RORB: variants seen among roughly 807,000 people sequenced by gnomAD.
RORB encodes the protein RAR related orphan receptor B, also known as nuclear receptor ROR-beta.
RORB carries 6 observed loss-of-function variants against 59.1 expected under a neutral mutation model. The ratio of observed to expected loss-of-function variants is 0.10; its 90% confidence interval spans 0.06 to 0.20. The LOEUF is 0.20. Among genes scored for constraint, RORB ranks in the 10% least tolerant of loss-of-function variants. RORB has a pLI of 1.00. For synonymous variants in RORB, 215 were observed against 204.5 expected, an observed-to-expected ratio of 1.05 and a Z score of -0.44; for missense variants, 320 against 560.5, an observed-to-expected ratio of 0.57 and a Z score of 4.33.
chr9:74,589,578 C>A (rs760824672), intron 1 of RORB, among the ~76,000 whole-genome samples: 1 of 152,138 alleles, frequency 6.6e-6, no homozygotes, highest in Non-Finnish European at 1.5e-5. Flanking sequence ...TGTACAGATG[C>A]GGCTAGTAAA....
intron 1 of RORB, among the ~76,000 whole-genome samples, chr9:74,514,096 C>T (rs1825977914): frequency 6.6e-6 from 1 of 152,118 alleles, no homozygotes; most frequent in Non-Finnish European, 1.5e-5. Context: ...TCTTCGTTAA[C>T]TTTTCTTAGA....
intron 1 of RORB, among the ~76,000 whole-genome samples, chr9:74,589,222 A>T (rs1449855480): frequency 6.6e-6 from 1 of 152,210 alleles, no homozygotes; most frequent in African/African-American, 2.4e-5. Flanking sequence ...GAAAGACAGA[A>T]AGTGGAATTA....
intron 1 of RORB, among the ~76,000 whole-genome samples, chr9:74,534,761 T>G (rs1230457085): frequency 6.6e-6 from 1 of 152,026 alleles, no homozygotes; most frequent in Non-Finnish European, 1.5e-5. Flanking sequence ...AAGGGAATAT[T>G]TTGACATAAT....
chr9:74,668,136 C>T (rs976956186), intron 8 of RORB, among the ~76,000 whole-genome samples: 2 of 152,168 alleles, frequency 1.3e-5, no homozygotes, highest in African/African-American at 4.8e-5. Flanking sequence ...ATTCCAGATT[C>T]AGATACGCAG....
intron 1 of RORB, among the ~76,000 whole-genome samples, chr9:74,544,153 A>G (rs1244924769): frequency 4.6e-5 from 7 of 152,082 alleles, no homozygotes; most frequent in Admixed American, 2.6e-4. Context: ...GCCTCCTCCA[A>G]ACACTCTCAG....
At chr9:74,579,402 G>A (rs536707493) in intron 1 of RORB, among the ~76,000 whole-genome samples, 1 of 151,864 alleles carries the variant, frequency 6.6e-6, no homozygotes, top group Admixed American at 6.6e-5. Context: ...TAAGTTGCTG[G>A]CAGCATCTTT....
rs1014463584 is a variant in RORB, at chr9:74,688,028, G to A, written c.*2410G>A. ...AATTTACCTTAGAGGATTTAAATTG[G>A]CTCAATTGATGAAGTGGCTCAGAAT... is the stretch of plus-strand genomic sequence containing the variant. On this transcript the variant is annotated 3_prime_UTR_variant, in exon 10 of 10. Coordinates refer to ENST00000376896, the MANE Select transcript of RORB (RefSeq NM_006914.4). 6.6e-6 allele frequency: 1 copy of A among 152,148 alleles called. No homozygotes were observed. The highest frequency in any genetic ancestry group is 2.4e-5 in the African/African-American group (1 of 41,424). 9.4% of individuals were successfully genotyped at this position (152,148 alleles called of 1,614,324 possible).
At chr9:74,594,186 A>AT (rs570196573) in intron 1 of RORB, among the ~76,000 whole-genome samples, 95 of 152,288 alleles carry the variant, frequency 6.2e-4, no homozygotes, top group African/African-American at 2.2e-3. Context: ...AATAAGGAAC[A>AT]TTTACCCTGA....
intron 1 of RORB, among the ~76,000 whole-genome samples, chr9:74,580,891 A>G (rs1822712819): frequency 1.3e-5 from 2 of 152,202 alleles, no homozygotes; most frequent in African/African-American, 4.8e-5. Context: ...AAGTCCACAA[A>G]TAAATAAGGG....
chr9:74,681,232 G>A lies in RORB; in HGVS notation c.1225-4231G>A, dbSNP rs537729306. Among the ~76,000 whole-genome samples, 4 of 152,308 alleles carry A rather than the reference G, an allele frequency of 2.6e-5. No homozygotes were observed. In the East Asian group the frequency reaches 7.7e-4, roughly 29 times the overall value. On this transcript the variant is annotated intron_variant, in intron 9 of 9. Transcript: ENST00000376896. Reference sequence around the variant, plus strand: ...TGAGCTATTAACTGCTGTGGAGGCTGCTCTGAGCTCCCTTTGAAATGGGGG... The same window carrying A: ...TGAGCTATTAACTGCTGTGGAGGCTACTCTGAGCTCCCTTTGAAATGGGGG...
chr9:74,540,426 G>A (rs1382531922), intron 1 of RORB, among the ~76,000 whole-genome samples: 1 of 152,194 alleles, frequency 6.6e-6, no homozygotes, highest in Non-Finnish European at 1.5e-5. Context: ...GGGTCTTAAT[G>A]AGTATTAATT....
intron 2 of RORB, among the ~76,000 whole-genome samples, chr9:74,634,062 A>G (rs1354397726): frequency 2.1e-5 from 3 of 144,350 alleles, no homozygotes; most frequent in Non-Finnish European, 4.5e-5. Flanking sequence ...CAGCATAGCA[A>G]GACACCTCAA....
At chr9:74,532,796 A>T (rs1176295810) in intron 1 of RORB, among the ~76,000 whole-genome samples, 1 of 148,202 alleles carries the variant, frequency 6.7e-6, no homozygotes, top group Non-Finnish European at 1.5e-5. Flanking sequence ...ATATATATAC[A>T]TAGATACGTA....
chr9:74,634,934 C>A (rs749368014), intron 3 of RORB, among the ~76,000 whole-genome samples, 162 bp downstream of exon 3: 4 of 152,132 alleles, frequency 2.6e-5, no homozygotes, highest in Non-Finnish European at 5.9e-5. Context: ...TAAGAATATA[C>A]AAAAATAGAG....
chr9:74,506,222 C>T (rs936689701), intron 1 of RORB, among the ~76,000 whole-genome samples: 4 of 151,998 alleles, frequency 2.6e-5, no homozygotes, highest in Non-Finnish European at 4.4e-5. Flanking sequence ...TAGGCCGTAT[C>T]TGAAGGCCAC....
At position 74,587,698 on chromosome 9, in the gene RORB, T is replaced by C. The variant is rs1318080413; in HGVS notation, c.8-42584T>C. Reference sequence around the variant, plus strand: ...TCAGCTGGCATGACTTATCCTCCAGTAGGCTAGCCTGGGCTTTTTCACATG... The same window carrying C: ...TCAGCTGGCATGACTTATCCTCCAGCAGGCTAGCCTGGGCTTTTTCACATG... On this transcript the variant is annotated intron_variant, in intron 1 of 9. Coordinates refer to ENST00000376896, the MANE Select transcript of RORB (RefSeq NM_006914.4). Among the ~76,000 whole-genome samples the C allele has an allele frequency of 2.0e-5, 3 of 152,180 alleles. No homozygotes were observed. In the South Asian group the frequency reaches 6.2e-4, roughly 32 times the overall value.
intron 1 of RORB, among the ~76,000 whole-genome samples, chr9:74,552,096 A>G (rs1341191139): frequency 1.3e-5 from 2 of 152,192 alleles, no homozygotes; most frequent in Non-Finnish European, 2.9e-5. Flanking sequence ...CAGTTCTTCT[A>G]TAGGTCTCAA....
At chr9:74,546,421 CA>C (rs1826491365) in intron 1 of RORB, among the ~76,000 whole-genome samples, 1 of 150,424 alleles carries the variant, frequency 6.6e-6, no homozygotes. Context: ...GAGGTGCTAA[CA>C]AAGAATGCAG....
intron 1 of RORB, among the ~76,000 whole-genome samples, chr9:74,560,722 C>G (rs1391054796): frequency 2.0e-5 from 3 of 151,406 alleles, no homozygotes; most frequent in Admixed American, 2.0e-4. Flanking sequence ...AAACCTAAAC[C>G]TATTTCAGTA....
Sources: gnomAD v4.1 joint callset for allele counts (sites outside exome capture counted in the v4.1 genomes callset) on GRCh38, gnomAD v4.1.1 for gene constraint, MANE v1.5 for transcripts, NCBI Gene and HGNC (gene_info 2026-07-23, HGNC 2026-07-21) for gene names.